Variants in PGM5 observed in about 807,000 individuals in gnomAD.
PGM5 encodes phosphoglucomutase 5, also known as phosphoglucomutase-like protein 5.
Under a neutral mutation model 59.2 loss-of-function variants are expected in PGM5, and 23 were observed. That is an observed-to-expected ratio of 0.39 (90% CI 0.28 to 0.55). PGM5 has a LOEUF of 0.55. PGM5 is among the 20% of genes least tolerant of loss of function. PGM5 has a pLI of 0.66. For synonymous variants in PGM5, 214 were observed against 286.0 expected, an observed-to-expected ratio of 0.75 and a Z score of 2.54; for missense variants, 574 against 748.3, an observed-to-expected ratio of 0.77 and a Z score of 2.72.
At position 68,505,365 on chromosome 9, in the gene PGM5, G is replaced by A. The variant is rs551912129; in HGVS notation, c.1614+6004G>A. 2.6e-5 allele frequency among the ~76,000 whole-genome samples: 4 copies of A among 152,212 alleles called. No homozygotes were observed. The East Asian group carries it at 7.7e-4, about 29-fold the overall frequency. On this transcript the variant is annotated intron_variant, in intron 10 of 10. Coordinates refer to ENST00000396396, the MANE Select transcript of PGM5 (RefSeq NM_021965.4). ...AACTGGGTGCAACAATTCTATTCAAGTCAGTTCTGACATTATCTGGATTTA... is the reference window on the plus strand; with the variant it reads ...AACTGGGTGCAACAATTCTATTCAAATCAGTTCTGACATTATCTGGATTTA...
At chr9:68,379,688 G>A (rs545271975) in intron 2 of PGM5, among the ~76,000 whole-genome samples, 4 of 152,180 alleles carry the variant, frequency 2.6e-5, no homozygotes, top group Non-Finnish European at 5.9e-5. Context: ...GATCCAACTA[G>A]ATGCTGCCTA....
At chr9:68,412,631 T>G (rs1478529343) in intron 6 of PGM5, among the ~76,000 whole-genome samples, 1 of 152,216 alleles carries the variant, frequency 6.6e-6, no homozygotes, top group African/African-American at 2.4e-5. Context: ...CACCTCCTGC[T>G]CTGCTACAAA....
At chr9:68,386,545 G>A (rs1476243937) in intron 3 of PGM5, among the ~76,000 whole-genome samples, 50 of 152,224 alleles carry the variant, frequency 3.3e-4, no homozygotes, top group African/African-American at 1.2e-3. Context: ...ATTGAAAGTG[G>A]GTTGGTAATA....
intron 6 of PGM5, among the ~76,000 whole-genome samples, chr9:68,434,709 G>A (rs942305219): frequency 6.6e-6 from 1 of 152,000 alleles, no homozygotes; most frequent in Admixed American, 6.6e-5. Context: ...AGGAGGCTGA[G>A]GCAGAAGAAT....
intron 10 of PGM5, among the ~76,000 whole-genome samples, chr9:68,526,328 G>A (rs946988419): frequency 6.6e-6 from 1 of 152,188 alleles, no homozygotes; most frequent in Non-Finnish European, 1.5e-5. Flanking sequence ...CTTGGCTCAG[G>A]ATGGGAGTCC....
intron 4 of PGM5, among the ~76,000 whole-genome samples, chr9:68,388,672 G>T (rs1436403580): frequency 6.6e-6 from 1 of 152,012 alleles, no homozygotes; most frequent in East Asian, 1.9e-4. Context: ...ACTTGCCCTT[G>T]ATTAATATTT....
rs150227576 is a variant in PGM5 at position 68,431,904 on chromosome 9, G to A, written c.1044-33189G>A. Reference sequence around the variant, plus strand: ...CAAAGTATTAGGGGTGGGGATGGGGGTGGGTGATCAAGATCAATGCAGTGT... The same window carrying A: ...CAAAGTATTAGGGGTGGGGATGGGGATGGGTGATCAAGATCAATGCAGTGT... On this transcript the variant is annotated intron_variant, in intron 6 of 10. Transcript: ENST00000396396. 3.4e-3 allele frequency among the ~76,000 whole-genome samples: 511 copies of A among 151,954 alleles called. 2 individuals are homozygous for A. Among genetic ancestry groups the A allele is most frequent in the African/African-American group, 0.012 (499 of 41,452 alleles).
At chr9:68,365,523 A>G (rs1349716693) in intron 1 of PGM5, among the ~76,000 whole-genome samples, 4 of 152,194 alleles carry the variant, frequency 2.6e-5, no homozygotes, top group Non-Finnish European at 5.9e-5. Context: ...TATCTTACAT[A>G]TCTTACATTT....
At position 68,485,616 on chromosome 9, in the gene PGM5, A is replaced by T. The variant is rs189484602; in HGVS notation, c.1479+1568A>T. On this transcript the variant is annotated intron_variant, in intron 9 of 10. Coordinates refer to ENST00000396396, the MANE Select transcript of PGM5 (RefSeq NM_021965.4). ...CGCTATAAATTACCCAGTCTTTGGT[A>T]ATTCTTCATAGCAGTATGAAAATGG... 1.3e-5 allele frequency among the ~76,000 whole-genome samples: 2 copies of T among 152,300 alleles called. 1 individual carries two copies. Among genetic ancestry groups the T allele is most frequent in the Admixed American group, 1.3e-4 (2 of 15,298 alleles).
intron 9 of PGM5, among the ~76,000 whole-genome samples, chr9:68,494,566 A>G (rs1824452384): frequency 2.0e-5 from 3 of 152,216 alleles, no homozygotes; most frequent in Admixed American, 2.0e-4. Flanking sequence ...ATTAAATCAC[A>G]ATGTTTGGGG....
rs1823459180 is a variant in PGM5 at position 68,437,569 on chromosome 9, A to G, written c.1044-27524A>G. 6.7e-6 allele frequency among the ~76,000 whole-genome samples: 1 copy of G among 149,210 alleles called. No individual in the cohort carries two copies. Among genetic ancestry groups the G allele is most frequent in the African/African-American group, 2.6e-5 (1 of 38,950 alleles). On this transcript the variant is annotated intron_variant, in intron 6 of 10. Coordinates refer to ENST00000396396, the MANE Select transcript of PGM5 (RefSeq NM_021965.4). The surrounding 1 kb of genome is among the most constrained non-coding windows in gnomAD (Gnocchi z 4.1). ...ATAGGAATCAATTTTTCAAAGGGAC[A>G]CACACACTCACACACACACACACAC...
chr9:68,410,037 G>A (rs1310779476), intron 6 of PGM5, among the ~76,000 whole-genome samples: 10 of 152,172 alleles, frequency 6.6e-5, no homozygotes, highest in South Asian at 2.1e-4. Context: ...GCCACATTGC[G>A]TCTAGCTCAT....
intron 10 of PGM5, among the ~76,000 whole-genome samples, chr9:68,529,016 G>T (rs1157566745): frequency 6.6e-6 from 1 of 152,184 alleles, no homozygotes; most frequent in East Asian, 1.9e-4. Context: ...CCACTGAGGT[G>T]CCTCATAAGC....
intron 6 of PGM5, among the ~76,000 whole-genome samples, chr9:68,399,874 A>T (rs1554680414): frequency 1.3e-5 from 2 of 152,050 alleles, no homozygotes; most frequent in Non-Finnish European, 2.9e-5. Flanking sequence ...TTTCCTGAAA[A>T]TTGTTTTTCC....
intron 6 of PGM5, among the ~76,000 whole-genome samples, chr9:68,441,866 A>G (rs181277575): frequency 0.012 from 1,816 of 145,934 alleles, 19 homozygotes; most frequent in Non-Finnish European, 0.02. Flanking sequence ...TAATACACAC[A>G]CAAAGGTCAG....
chr9:68,415,977 G>A (rs1414065348), intron 6 of PGM5, among the ~76,000 whole-genome samples: 7 of 151,768 alleles, frequency 4.6e-5, no homozygotes, highest in Middle Eastern at 3.4e-3. Flanking sequence ...AGAGATGTTA[G>A]TATTGTTGAA....
chr9:68,376,876 T>TTC (rs1821929004), intron 1 of PGM5, among the ~76,000 whole-genome samples: 2 of 126,292 alleles, frequency 1.6e-5, no homozygotes, highest in East Asian at 2.4e-4. Context: ...TTCTTTCTCT[T>TTC]TCTTTCTTTT....
At chr9:68,375,529 A>G (rs1465363280) in intron 1 of PGM5, among the ~76,000 whole-genome samples, 1 of 152,212 alleles carries the variant, frequency 6.6e-6, no homozygotes, top group African/African-American at 2.4e-5. Flanking sequence ...CCCCCCTTCA[A>G]GGTATTTCTC....
In PGM5 at chr9:68,529,631, G is replaced by A. The variant is rs368904990; in HGVS notation, c.1679G>A (p.Arg560Gln). The A allele has an allele frequency of 3.4e-5, 54 of 1,598,620 alleles. No homozygotes were observed. Among genetic ancestry groups the A allele is most frequent in the South Asian group, 1.1e-4 (10 of 88,928 alleles). The change falls in exon 11 of 11, where the codon CGG (arginine) becomes CAG (glutamine). Residue 560 changes from arginine to glutamine, a missense_variant. By Grantham distance (43) the Arg-to-Gln change is conservative. This residue lies in a region of PGM5 where 300 missense variants were observed against 280.0 expected (regional missense o/e 1.07). Transcript: ENST00000396396. ...TCCCAGATTCATGAGAGAACTGGCC[G>A]GAGGGGACCCACTGTCATCACCTGA... ...KISQIHERTG[R>Q]RGPTVIT is the part of the protein sequence containing the mutation.
Sources: gnomAD v4.1 joint callset for allele counts (sites outside exome capture counted in the v4.1 genomes callset) on GRCh38, gnomAD v4.1.1 for gene constraint, gnomAD v4.1.1 regional missense constraint, Gnocchi (gnomAD v3.1) non-coding constraint, MANE v1.5 for transcripts, NCBI Gene and HGNC (gene_info 2026-07-23, HGNC 2026-07-21) for gene names.